Variants in ACKR3 observed in about 807,000 individuals in gnomAD.
ACKR3 encodes atypical chemokine receptor 3, also known as C-X-C chemokine receptor type 7.
A neutral mutation model predicts 22.4 loss-of-function variants in ACKR3; 6 were observed. The ratio of observed to expected loss-of-function variants is 0.27; its 90% CI spans 0.15 to 0.53. The LOEUF (loss-of-function observed/expected upper bound fraction) is 0.53. Among genes scored for constraint, ACKR3 ranks in the 20% least tolerant of loss-of-function variants. The probability of loss-of-function intolerance (pLI) is 0.96; values close to 1 mark genes in which losing one functional copy is unlikely to be tolerated. For synonymous variants in ACKR3, 209 were observed against 205.2 expected (o/e 1.02, Z -0.16); for missense variants, 396 against 475.2 (o/e 0.83, Z 1.55).
At chr2:236,544,324 G>A in the ACKR3 span, among the ~76,000 whole-genome samples, 3 of 152,104 alleles carry the variant, frequency 2.0e-5, no homozygotes, top group African/African-American at 7.2e-5. The surrounding 1 kb of genome is among the most constrained non-coding windows in gnomAD (Gnocchi z 5.0). Context: ...AAGGATCCAG[G>A]ATTCAGAAAG....
At chr2:236,570,400 T>TTA (rs1238920407) in intron 1 of ACKR3, among the ~76,000 whole-genome samples, 2 of 152,226 alleles carry the variant, frequency 1.3e-5, no homozygotes, top group African/African-American at 2.4e-5. Context: ...AACACTTTAT[T>TTA]AAGAGGCATC....
At chr2:236,538,717 A>AC in the ACKR3 span, among the ~76,000 whole-genome samples, 1 of 152,194 alleles carries the variant, frequency 6.6e-6, no homozygotes, top group Non-Finnish European at 1.5e-5. Flanking sequence ...GATAAAATAC[A>AC]GACTGCCTAA....
At chr2:236,579,342 T>G (rs1691475070) in intron 1 of ACKR3, among the ~76,000 whole-genome samples, 1 of 152,222 alleles carries the variant, frequency 6.6e-6, no homozygotes, top group Non-Finnish European at 1.5e-5. Flanking sequence ...CTGTCAACAG[T>G]GCATCCTTGG....
chr2:236,573,625 G>A (rs1053350908), intron 1 of ACKR3, among the ~76,000 whole-genome samples: 5 of 152,336 alleles, frequency 3.3e-5, no homozygotes, highest in Middle Eastern at 3.4e-3. Flanking sequence ...CCCCCTTTTC[G>A]GAGCTGGTCC....
intron 1 of ACKR3, among the ~76,000 whole-genome samples, chr2:236,575,511 CT>C (rs1327230478): frequency 1.1e-5 from 1 of 92,316 alleles, no homozygotes; most frequent in African/African-American, 5.0e-5. Context: ...GTGTGTGTGT[CT>C]GGGGTTGTGC....
chr2:236,552,591 C>T, the ACKR3 span, among the ~76,000 whole-genome samples: 1 of 152,126 alleles, frequency 6.6e-6, no homozygotes, highest in Non-Finnish European at 1.5e-5. Context: ...ATGGTAAATG[C>T]TTGCTATTGT....
chr2:236,579,760 C>A (rs896609471), intron 1 of ACKR3, among the ~76,000 whole-genome samples: 2 of 152,190 alleles, frequency 1.3e-5, no homozygotes, highest in Admixed American at 1.3e-4. Context: ...ACACGGCCAA[C>A]CCAGAGTCTT....
rs1332667161 is a variant in ACKR3 at position 236,581,245 on chromosome 2, C to T, written c.780C>T (p.Val260=). Residue 260 remains valine (V), a synonymous_variant, in exon 2 of 2, where the codon GTC becomes GTT. Coordinates refer to ENST00000272928, the MANE Select transcript of ACKR3 (RefSeq NM_020311.3). This position sits in a 1 kb window ranked among gnomAD's most constrained non-coding sequence, Gnocchi z 4.4. ...AGATCATCTTCTCCTACGTGGTGGT[C>T]TTCCTTGTCTGCTGGCTGCCCTACC... is the stretch of plus-strand genomic sequence containing the variant. The part of the protein sequence containing the change: ...SRKIIFSYVV[V]FLVCWLPYHV... The T allele has an allele frequency of 6.2e-7, 1 of 1,613,950 alleles. No homozygotes were observed. The highest frequency in any genetic ancestry group is 1.3e-5 in the African/African-American group (1 of 74,912).
At chr2:236,546,770 G>A in the ACKR3 span, among the ~76,000 whole-genome samples, 1 of 152,262 alleles carries the variant, frequency 6.6e-6, no homozygotes, top group Non-Finnish European at 1.5e-5. This position sits in a 1 kb window ranked among gnomAD's most constrained non-coding sequence, Gnocchi z 4.9. Flanking sequence ...CTGGCAGGAA[G>A]GGCAAGGAGG....
chr2:236,540,577 G>T, the ACKR3 span, among the ~76,000 whole-genome samples: 1 of 152,000 alleles, frequency 6.6e-6, no homozygotes, highest in Non-Finnish European at 1.5e-5. Context: ...AAATCTTCCT[G>T]CCTCAAGGTC....
At chr2:236,572,841 G>A (rs541225073) in intron 1 of ACKR3, among the ~76,000 whole-genome samples, 1 of 152,338 alleles carries the variant, frequency 6.6e-6, no homozygotes, top group South Asian at 2.1e-4. Context: ...GGTGTCCCAC[G>A]TGTTCATGTG....
At chr2:236,537,374 A>T in the ACKR3 span, among the ~76,000 whole-genome samples, 2 of 152,196 alleles carry the variant, frequency 1.3e-5, no homozygotes, top group African/African-American at 4.8e-5. Context: ...TGCCTAGTAC[A>T]AGGATTGTTA....
chr2:236,541,387 T>A, the ACKR3 span, among the ~76,000 whole-genome samples: 2 of 152,206 alleles, frequency 1.3e-5, no homozygotes, highest in African/African-American at 2.4e-5. Context: ...CCCATAGCCT[T>A]ATTCAAGTTT....
chr2:236,565,411 T>C (rs755337285), upstream of ACKR3, among the ~76,000 whole-genome samples: 3 of 152,192 alleles, frequency 2.0e-5, no homozygotes, highest in Non-Finnish European at 4.4e-5. Context: ...GAAATTCCTA[T>C]GTGAAAGATG....
upstream of ACKR3, among the ~76,000 whole-genome samples, chr2:236,564,792 G>A (rs1020614826): frequency 2.6e-5 from 4 of 151,930 alleles, no homozygotes; most frequent in African/African-American, 7.3e-5. Context: ...CCATGAAATC[G>A]GGCACGCTTG....
intron 1 of ACKR3, among the ~76,000 whole-genome samples, chr2:236,571,801 G>A (rs1006190376): frequency 2.6e-5 from 4 of 152,020 alleles, no homozygotes; most frequent in Admixed American, 2.0e-4. Flanking sequence ...AAGAGTAACC[G>A]AGGGGAAAGA....
the ACKR3 span, among the ~76,000 whole-genome samples, chr2:236,551,715 A>G: frequency 6.6e-6 from 1 of 152,172 alleles, no homozygotes; most frequent in Non-Finnish European, 1.5e-5. Context: ...CTGTTTGGAA[A>G]CAATGTTATA....
At chr2:236,549,365 A>G in the ACKR3 span, among the ~76,000 whole-genome samples, 40,247 of 152,116 alleles carry the variant, frequency 0.26, 8,315 homozygotes, top group African/African-American at 0.58. This position sits in a 1 kb window ranked among gnomAD's most constrained non-coding sequence, Gnocchi z 5.3. Context: ...GGGCTCCATC[A>G]GTTCCCTGTC....
the ACKR3 span, among the ~76,000 whole-genome samples, chr2:236,547,432 A>G: frequency 3.9e-5 from 6 of 152,286 alleles, no homozygotes; most frequent in African/African-American, 1.4e-4. Context: ...CTCCACAAAT[A>G]TATGTATAAA....
Sources: gnomAD v4.1 joint callset for allele counts (sites outside exome capture counted in the v4.1 genomes callset) on GRCh38, gnomAD v4.1.1 for gene constraint, Gnocchi (gnomAD v3.1) non-coding constraint, MANE v1.5 for transcripts, NCBI Gene and HGNC (gene_info 2026-07-23, HGNC 2026-07-21) for gene names.